The following GRIN2B variants were observed in gnomAD, a reference collection of about 807,000 sequenced individuals.
GRIN2B encodes glutamate ionotropic receptor NMDA type subunit 2B.
Under a neutral mutation model 114.5 loss-of-function variants are expected in GRIN2B, and 5 were observed. The observed-to-expected ratio is 0.04, with a 90% CI of 0.02 to 0.09. The LOEUF is 0.09. Among genes scored for constraint, GRIN2B ranks in the 10% least tolerant of loss-of-function variants. The probability of loss-of-function intolerance (pLI) is 1.00; values close to 1 mark genes in which losing one functional copy is unlikely to be tolerated. For missense variants in GRIN2B, 1,108 were observed against 1,943.5 expected (o/e 0.57, Z 8.08); for synonymous variants, 787 against 745.1 (o/e 1.06, Z -0.92).
At chr12:13,884,590 C>A (rs966787028) in intron 2 of GRIN2B, among the ~76,000 whole-genome samples, 1 of 151,926 alleles carries the variant, frequency 6.6e-6, no homozygotes, top group Non-Finnish European at 1.5e-5. Flanking sequence ...CCTTCCTCTT[C>A]TTTTTCTAGT....
In GRIN2B at chr12:13,563,105, T is replaced by C; in HGVS notation, c.4133A>G (p.Tyr1378Cys). Residue 1378 changes from tyrosine (Y) to cysteine (C), a missense_variant, in exon 14 of 14, where the codon TAC becomes TGC. Tyr to Cys is a radical substitution (Grantham distance 194). Around this residue, in one of 19 missense-constraint regions of GRIN2B, gnomAD observed 478 missense variants for 506.0 expected, o/e 0.94. Coordinates refer to ENST00000609686, the MANE Select transcript of GRIN2B (RefSeq NM_000834.5). ...AGGGTTTTGCGTGACCCGGTCAGGG[T>C]AGAGCGACTTGCTGAGCATGTACCC... ...GGGYMLSKSLYPDRVTQNPFI... is the reference protein window; with the variant it reads ...GGGYMLSKSLCPDRVTQNPFI... The C allele has an allele frequency of 1.2e-6, 2 of 1,614,166 alleles. No individual in the cohort carries two copies. The highest frequency in any genetic ancestry group is 1.1e-5 in the South Asian group (1 of 91,080).
At chr12:13,809,073 C>T (rs1864676844) in intron 3 of GRIN2B, among the ~76,000 whole-genome samples, 1 of 152,106 alleles carries the variant, frequency 6.6e-6, no homozygotes, top group South Asian at 2.1e-4. Context: ...GATGTAGGGG[C>T]CTGTCCTGTG....
intron 2 of GRIN2B, among the ~76,000 whole-genome samples, chr12:13,905,845 C>A (rs891623883): frequency 6.6e-6 from 1 of 152,072 alleles, no homozygotes. Context: ...TTCACTTTCC[C>A]ATCCCCAGCC....
chr12:13,818,675 TAAG>T (rs923634152), intron 3 of GRIN2B, among the ~76,000 whole-genome samples: 5 of 152,214 alleles, frequency 3.3e-5, no homozygotes, highest in African/African-American at 1.2e-4. Context: ...AAAGTAGTTT[TAAG>T]AAGAGAACAT....
At chr12:13,792,177 C>T (rs183062342) in intron 3 of GRIN2B, among the ~76,000 whole-genome samples, 31 of 152,354 alleles carry the variant, frequency 2.0e-4, no homozygotes, top group Admixed American at 8.5e-4. Flanking sequence ...AGGGCATGCC[C>T]CAGCTTAAGC....
chr12:13,853,546 T>TA (rs570258009), intron 3 of GRIN2B, among the ~76,000 whole-genome samples: 370 of 152,354 alleles, frequency 2.4e-3, no homozygotes, highest in Middle Eastern at 6.8e-3. Flanking sequence ...ATTTTCATGA[T>TA]AAAAGTCTTG....
chr12:13,569,400 G>T (rs1428240784), intron 12 of GRIN2B, among the ~76,000 whole-genome samples: 2 of 152,168 alleles, frequency 1.3e-5, no homozygotes, highest in Non-Finnish European at 2.9e-5. Flanking sequence ...TTCAGACACA[G>T]ACATGTGCAG....
rs546391904 is a variant in GRIN2B at position 13,791,384 on chromosome 12, G to A, written c.412-37469C>T. Among the ~76,000 whole-genome samples, 5 of 151,412 alleles carry A rather than the reference G, an allele frequency of 3.3e-5. No homozygotes were observed. In the East Asian group the frequency reaches 5.9e-4, roughly 18 times the overall value. On this transcript the variant is annotated intron_variant, in intron 3 of 13. Coordinates refer to ENST00000609686, the MANE Select transcript of GRIN2B (RefSeq NM_000834.5). ...GGAGAATGGCATGAACCCGGGAGGC[G>A]GAGCTTGCAGTGAGCCGAGATTGCG...
chr12:13,849,944 T>A (rs1327151956), intron 3 of GRIN2B, among the ~76,000 whole-genome samples: 1 of 152,140 alleles, frequency 6.6e-6, no homozygotes, highest in African/African-American at 2.4e-5. Flanking sequence ...CACACAGATA[T>A]CTTCCAAACA....
intron 3 of GRIN2B, among the ~76,000 whole-genome samples, chr12:13,843,926 C>T (rs1238751996): frequency 1.3e-5 from 2 of 152,130 alleles, no homozygotes; most frequent in African/African-American, 4.8e-5. Context: ...CATTTTAATA[C>T]CAATGTTATC....
intron 3 of GRIN2B, among the ~76,000 whole-genome samples, chr12:13,776,174 G>C (rs1227719711): frequency 1.3e-5 from 2 of 152,108 alleles, no homozygotes; most frequent in African/African-American, 2.4e-5. Context: ...ACTAATGCAG[G>C]AACAGAAACC....
intron 5 of GRIN2B, among the ~76,000 whole-genome samples, chr12:13,620,857 A>G (rs1565479815): frequency 1.4e-5 from 2 of 141,986 alleles, no homozygotes; most frequent in Admixed American, 1.5e-4. Flanking sequence ...AGCTTGCCTT[A>G]AAGTCGTTAT....
chr12:13,708,032 A>G (rs1419223029), intron 4 of GRIN2B, among the ~76,000 whole-genome samples: 1 of 152,080 alleles, frequency 6.6e-6, no homozygotes, highest in Non-Finnish European at 1.5e-5. Context: ...CAGGGGAGTT[A>G]CAGGCAATAA....
chr12:13,683,782 A>G (rs143002044), intron 4 of GRIN2B: 3 of 152,218 alleles, frequency 2.0e-5, no homozygotes, highest in Non-Finnish European at 2.9e-5. Context: ...AGCTCTCAAC[A>G]TATATAAAGG....
chr12:13,596,977 AAAG>A (rs1237547165), intron 10 of GRIN2B, among the ~76,000 whole-genome samples: 1 of 151,838 alleles, frequency 6.6e-6, no homozygotes, highest in African/African-American at 2.4e-5. Context: ...GTGTCCACAC[AAAG>A]AAGACACAGG....
chr12:13,864,617 A>G (rs987779617), intron 3 of GRIN2B, among the ~76,000 whole-genome samples: 2 of 152,244 alleles, frequency 1.3e-5, no homozygotes, highest in Non-Finnish European at 2.9e-5. Flanking sequence ...AATAATCAGT[A>G]AAGCAAGGAA....
intron 5 of GRIN2B, among the ~76,000 whole-genome samples, chr12:13,648,706 G>A (rs1322343987): frequency 6.6e-6 from 1 of 151,782 alleles, no homozygotes; most frequent in Non-Finnish European, 1.5e-5. Context: ...CCAAGCAGAA[G>A]GCAATCACAG....
intron 4 of GRIN2B, among the ~76,000 whole-genome samples, chr12:13,691,792 G>T (rs965177377): frequency 9.2e-5 from 14 of 152,222 alleles, no homozygotes; most frequent in Middle Eastern, 3.4e-3. Flanking sequence ...CATCTCCATG[G>T]CAACCACATT....
chr12:13,681,628 T>C (rs1001059026), intron 4 of GRIN2B, among the ~76,000 whole-genome samples: 3 of 152,204 alleles, frequency 2.0e-5, no homozygotes, highest in African/African-American at 7.2e-5. Flanking sequence ...TTGTCTGGTG[T>C]GAGAAGCTAC....
Sources: gnomAD v4.1 joint callset for allele counts (sites outside exome capture counted in the v4.1 genomes callset) on GRCh38, gnomAD v4.1.1 for gene constraint, gnomAD v4.1.1 regional missense constraint, MANE v1.5 for transcripts, NCBI Gene and HGNC (gene_info 2026-07-23, HGNC 2026-07-21) for gene names.